Variants in WRN observed in about 807,000 individuals in gnomAD.
The protein encoded by WRN is bifunctional 3'-5' exonuclease/ATP-dependent helicase WRN.
In WRN, 149 loss-of-function variants were observed where a neutral mutation model predicts 180.7. The observed-to-expected ratio is 0.82, with a 90% CI of 0.72 to 0.94. The LOEUF (loss-of-function observed/expected upper bound fraction) is 0.94. Ranked by LOEUF, WRN falls within the 40% of genes least tolerant of loss-of-function variation. WRN has a pLI of 0.00. For missense variants in WRN, 1,661 were observed against 1,700.1 expected (o/e 0.98, Z 0.40); for synonymous variants, 548 against 568.9 (o/e 0.96, Z 0.52).
At chr8:31,094,624 G>C (rs1055488028) in intron 16 of WRN, among the ~76,000 whole-genome samples, 1 of 152,124 alleles carries the variant, frequency 6.6e-6, no homozygotes, top group African/African-American at 2.4e-5. Flanking sequence ...TGGGATTACA[G>C]GCGTGAGCCA....
intron 1 of WRN, 107 bp from the exon 2 acceptor site, chr8:31,058,265 T>G: frequency 1.7e-6 from 1 of 579,892 alleles, no homozygotes. Context: ...GTATCTGTTT[T>G]GTTTTGTGAT....
At chr8:31,128,408 A>G (rs1200370892) in intron 23 of WRN, among the ~76,000 whole-genome samples, 8 of 152,154 alleles carry the variant, frequency 5.3e-5, no homozygotes, top group Admixed American at 2.6e-4. Flanking sequence ...TGTGTATATA[A>G]CACACTGGGC....
rs894056789 is a variant in WRN at position 31,173,215 on chromosome 8, A to G, written c.*113A>G. On this transcript the variant is annotated 3_prime_UTR_variant, in exon 35 of 35. Transcript: ENST00000298139. ...TGGCTTAAAAATCATTCTAATTACA[A>G]AGTTCACTGTTTATTGAAGAACTGG... is the stretch of plus-strand genomic sequence containing the variant. 1.8e-5 allele frequency: 19 copies of G among 1,039,008 alleles called. No individual in the cohort carries two copies. The African/African-American group carries it at 2.7e-4, about 15-fold the overall frequency. 64.4% of individuals were successfully genotyped at this position (1,039,008 alleles called of 1,614,324 possible).
intron 21 of WRN, among the ~76,000 whole-genome samples, chr8:31,124,114 A>C (rs933416485): frequency 6.6e-6 from 1 of 152,122 alleles, no homozygotes; most frequent in Non-Finnish European, 1.5e-5. Context: ...TTAGTTTCTC[A>C]TACAAAATAA....
At chr8:31,047,793 T>A (rs1811926861) in intron 1 of WRN, among the ~76,000 whole-genome samples, 1 of 152,360 alleles carries the variant, frequency 6.6e-6, no homozygotes, top group African/African-American at 2.4e-5. Flanking sequence ...TGATTTCAGC[T>A]GACTGGCTAT....
intron 21 of WRN, among the ~76,000 whole-genome samples, chr8:31,123,326 A>T (rs560209879): frequency 2.0e-4 from 30 of 152,188 alleles, no homozygotes; most frequent in Non-Finnish European, 3.5e-4. Context: ...AGGTATATAC[A>T]TATAGGAAAA....
chr8:31,076,431 T>C (rs2130096432), intron 8 of WRN, 144 bp downstream of exon 8: 1 of 684,090 alleles, frequency 1.5e-6, no homozygotes, highest in Middle Eastern at 4.0e-4. Context: ...GATGCATAAA[T>C]TTGAGAAATA....
intron 1 of WRN, among the ~76,000 whole-genome samples, chr8:31,039,255 G>C (rs1373049315): frequency 1.1e-4 from 16 of 152,108 alleles, no homozygotes. Context: ...GCAGCATTCT[G>C]TAGTTTTCAG....
chr8:31,164,239 TTTG>T (rs1329510642), intron 33 of WRN, among the ~76,000 whole-genome samples: 2 of 152,218 alleles, frequency 1.3e-5, no homozygotes, highest in Non-Finnish European at 2.9e-5. Flanking sequence ...TAAAATACTT[TTTG>T]TTCTCTTACT....
chr8:31,088,972 A>G lies in WRN; in HGVS notation c.1652+7A>G, dbSNP rs1370667804. The stretch of plus-strand genomic sequence containing the variant: ...GCCATTCCAGTTTTAAACCGTGAGT[A>G]TAATCTCATTTAATCAAATCACATA... On this transcript the variant is annotated splice_region_variant and intron_variant, in intron 13 of 34. Transcript: ENST00000298139. 6.2e-7 allele frequency: 1 copy of G among 1,606,724 alleles called. No individual in the cohort carries two copies. Among genetic ancestry groups the G allele is most frequent in the Non-Finnish European group, 8.5e-7 (1 of 1,175,710 alleles).
intron 5 of WRN, 26 bp from the exon 6 acceptor site, chr8:31,067,007 C>T (rs2130048580): frequency 6.2e-7 from 1 of 1,612,844 alleles, no homozygotes; most frequent in African/African-American, 1.3e-5. Flanking sequence ...ACTGATTTTA[C>T]TGTGTTGCTT....
chr8:31,130,008 AAAAAAAC>A (rs1802086069), intron 23 of WRN, among the ~76,000 whole-genome samples: 2 of 112,640 alleles, frequency 1.8e-5, no homozygotes, highest in African/African-American at 3.3e-5. Context: ...TTGTCTCAAA[AAAAAAAC>A]AAAACAAAAC....
intron 18 of WRN, among the ~76,000 whole-genome samples, chr8:31,106,737 A>C (rs1801113646): frequency 6.6e-6 from 1 of 152,226 alleles, no homozygotes; most frequent in Non-Finnish European, 1.5e-5. Flanking sequence ...TAAAAATAGC[A>C]CTATCACTGT....
chr8:31,138,239 G>A (rs1358650412), intron 24 of WRN, among the ~76,000 whole-genome samples: 2 of 152,082 alleles, frequency 1.3e-5, no homozygotes, highest in Non-Finnish European at 2.9e-5. Flanking sequence ...GGGTAAAAAT[G>A]ACTAAGATAA....
At chr8:31,064,827 T>G (rs1428430063) in intron 4 of WRN, 88 bp from the exon 5 acceptor site, 3 of 1,451,840 alleles carry the variant, frequency 2.1e-6, no homozygotes, top group African/African-American at 2.8e-5. Context: ...AAATACAAAT[T>G]TACACATAAA....
At chr8:31,159,644 A>C (rs1203750001) in intron 33 of WRN, among the ~76,000 whole-genome samples, 2 of 151,172 alleles carry the variant, frequency 1.3e-5, no homozygotes, top group Non-Finnish European at 2.9e-5. Context: ...TATATCTATT[A>C]AAAAAAGGTG....
At position 31,167,144 on chromosome 8, in the gene WRN, G is replaced by A. The variant is rs1803925451; in HGVS notation, c.4105G>A (p.Val1369Ile). 6.2e-7 allele frequency: 1 copy of A among 1,613,206 alleles called. No individual in the cohort carries two copies. The highest frequency in any genetic ancestry group is 8.5e-7 in the Non-Finnish European group (1 of 1,179,532). ...CAGCGGACTTCAACCTTCATGTGAT[G>A]TCAACAAAAGGAGATGTTTTCCCGG... ...PDSGLQPSCD[V>I]NKRRCFPGSE... Residue 1369 changes from valine to isoleucine, a missense_variant, in exon 34 of 35, where the codon GTC becomes ATC. Val to Ile is a conservative substitution (Grantham distance 29). Coordinates refer to ENST00000298139, the MANE Select transcript of WRN (RefSeq NM_000553.6).
At chr8:31,159,502 G>C (rs1803524301) in intron 33 of WRN, among the ~76,000 whole-genome samples, 1 of 151,980 alleles carries the variant, frequency 6.6e-6, no homozygotes, top group South Asian at 2.1e-4. Context: ...ACCTGCCCAT[G>C]TACTACCTGA....
At position 31,167,156 on chromosome 8, in the gene WRN, A is replaced by C. The variant is rs2130515044; in HGVS notation, c.4117A>C (p.Arg1373=). The C allele has an allele frequency of 9.3e-6, 15 of 1,613,374 alleles. No homozygotes were observed. Among genetic ancestry groups the C allele is most frequent in the Non-Finnish European group, 1.3e-5 (15 of 1,179,522 alleles). The change falls in exon 34 of 35, where the codon AGA becomes CGA. Residue 1373 remains arginine (R), a synonymous_variant. Coordinates refer to ENST00000298139, the MANE Select transcript of WRN (RefSeq NM_000553.6). ...LQPSCDVNKR[R]CFPGSEEICS... Reference sequence around the variant, plus strand: ...ACCTTCATGTGATGTCAACAAAAGGAGATGTTTTCCCGGTTCTGAAGAGAT... The same window carrying C: ...ACCTTCATGTGATGTCAACAAAAGGCGATGTTTTCCCGGTTCTGAAGAGAT...
Sources: allele counts gnomAD v4.1 joint callset (sites outside exome capture counted in the v4.1 genomes callset), GRCh38; gene constraint gnomAD v4.1.1; transcripts MANE v1.5; gene names NCBI Gene and HGNC (gene_info 2026-07-23, HGNC 2026-07-21).